Variants in KIF6 observed in about 807,000 individuals in gnomAD.
The protein encoded by KIF6 is kinesin family member 6.
In KIF6, 106 loss-of-function variants were observed where a neutral mutation model predicts 112.7. The observed-to-expected ratio is 0.94, with a 90% CI of 0.80 to 1.11. The LOEUF is 1.11. Among genes scored for constraint, KIF6 ranks in the 50% least tolerant of loss-of-function variants. The pLI is 0.00. For missense variants in KIF6, 929 were observed against 964.0 expected (o/e 0.96, Z 0.48); for synonymous variants, 339 against 339.9 (o/e 1.00, Z 0.03).
At chr6:39,379,103 A>T (rs1415707287) in intron 16 of KIF6, among the ~76,000 whole-genome samples, 1 of 152,208 alleles carries the variant, frequency 6.6e-6, no homozygotes, top group Non-Finnish European at 1.5e-5. Context: ...GCTTGTATTT[A>T]GTTCCAGGAA....
intron 6 of KIF6, among the ~76,000 whole-genome samples, chr6:39,611,468 C>T (rs1213305822): frequency 2.0e-5 from 3 of 152,098 alleles, no homozygotes; most frequent in Admixed American, 1.3e-4. Flanking sequence ...GAGCAAATGG[C>T]CAAGCTTTTA....
intron 15 of KIF6, among the ~76,000 whole-genome samples, chr6:39,399,230 T>C (rs1266024513): frequency 6.6e-6 from 1 of 152,212 alleles, no homozygotes; most frequent in Non-Finnish European, 1.5e-5. Flanking sequence ...ATACAGATGA[T>C]GTGGATGTGT....
intron 3 of KIF6, among the ~76,000 whole-genome samples, chr6:39,689,697 T>G (rs1404663785): frequency 6.6e-6 from 1 of 152,054 alleles, no homozygotes; most frequent in African/African-American, 2.4e-5. Context: ...CTTGACCTCC[T>G]GGACTCAAGG....
At chr6:39,647,770 G>A (rs993730430) in intron 3 of KIF6, among the ~76,000 whole-genome samples, 17 of 150,054 alleles carry the variant, frequency 1.1e-4, no homozygotes, top group East Asian at 5.9e-4. Context: ...GCAATGGTGC[G>A]ATCTCAGCTC....
rs546322111 is a variant in KIF6 at position 39,391,947 on chromosome 6, GTA to G, written c.1811-6277_1811-6276del. On this transcript the variant is annotated intron_variant, in intron 15 of 22. Transcript: ENST00000287152. ...TGCATGTATGTATATATGAATGCAT[GTA>G]TATATATATATGTGTGTGTGTGTGT... Among the ~76,000 whole-genome samples the G allele has an allele frequency of 2.9e-3, 436 of 151,262 alleles. 3 individuals carry two copies. The highest frequency in any genetic ancestry group is 4.2e-3 in the African/African-American group (172 of 41,364).
chr6:39,615,966 G>A (rs570591772), intron 5 of KIF6, among the ~76,000 whole-genome samples: 1 of 152,160 alleles, frequency 6.6e-6, no homozygotes, highest in African/African-American at 2.4e-5. Flanking sequence ...CATCCATAGG[G>A]TTTATATAAT....
intron 6 of KIF6, among the ~76,000 whole-genome samples, chr6:39,599,349 T>C (rs565280305): frequency 2.0e-5 from 3 of 152,236 alleles, no homozygotes; most frequent in Non-Finnish European, 4.4e-5. Context: ...AGTAACACAT[T>C]TGAATGGCAA....
chr6:39,471,920 T>C (rs2150441108), intron 13 of KIF6, among the ~76,000 whole-genome samples: 1 of 152,338 alleles, frequency 6.6e-6, no homozygotes, highest in East Asian at 1.9e-4. Flanking sequence ...AAGCCATTGA[T>C]GTTGCTGATT....
At chr6:39,588,898 G>C (rs1025136381) in intron 7 of KIF6, among the ~76,000 whole-genome samples, 4 of 152,128 alleles carry the variant, frequency 2.6e-5, no homozygotes, top group African/African-American at 9.7e-5. Context: ...CACACGCCTT[G>C]GATTAGTCTC....
chr6:39,543,391 G>A (rs1778902175), intron 12 of KIF6, among the ~76,000 whole-genome samples: 1 of 152,006 alleles, frequency 6.6e-6, no homozygotes, highest in Non-Finnish European at 1.5e-5. Context: ...TGTGGGTGGG[G>A]GGGGATTCTC....
chr6:39,436,073 G>A (rs1180658282), intron 13 of KIF6, among the ~76,000 whole-genome samples: 1 of 152,114 alleles, frequency 6.6e-6, no homozygotes, highest in African/African-American at 2.4e-5. Context: ...GGGTAAGATG[G>A]TATTTCATCG....
chr6:39,366,730 T>G (rs993632106), intron 16 of KIF6, among the ~76,000 whole-genome samples: 2 of 151,820 alleles, frequency 1.3e-5, no homozygotes, highest in Non-Finnish European at 2.9e-5. Flanking sequence ...CCAGGAGCGG[T>G]TGGGAAGGGA....
At chr6:39,684,428 C>G (rs911444361) in intron 3 of KIF6, among the ~76,000 whole-genome samples, 1 of 151,886 alleles carries the variant, frequency 6.6e-6, no homozygotes, top group Non-Finnish European at 1.5e-5. Flanking sequence ...CCAGCCTGAC[C>G]AACATGGAGA....
chr6:39,336,472 T>C lies in KIF6; in HGVS notation c.*60A>G. ...TGAAGCCAGAGCAAGTGAGGGGCGC[T>C]GCCTTCATCTGTGCTTCATTCTTGC... On this transcript the variant is annotated 3_prime_UTR_variant, in exon 23 of 23. Coordinates refer to ENST00000287152, the MANE Select transcript of KIF6 (RefSeq NM_145027.6). 6.5e-7 allele frequency: 1 copy of C among 1,542,030 alleles called. No individual in the cohort carries two copies. The highest frequency in any genetic ancestry group is 9.0e-7 in the Non-Finnish European group (1 of 1,114,276).
chr6:39,503,427 G>C (rs933777648), intron 13 of KIF6, among the ~76,000 whole-genome samples: 1 of 151,152 alleles, frequency 6.6e-6, no homozygotes, highest in African/African-American at 2.4e-5. Flanking sequence ...TCACAACTAA[G>C]AGCAAACAAA....
intron 3 of KIF6, among the ~76,000 whole-genome samples, chr6:39,655,672 A>G (rs1222761283): frequency 1.3e-5 from 2 of 152,180 alleles, no homozygotes. Context: ...TAAATGATCC[A>G]TTATTCCCTG....
intron 13 of KIF6, among the ~76,000 whole-genome samples, chr6:39,484,927 T>C (rs1581955421): frequency 6.6e-6 from 1 of 152,174 alleles, no homozygotes; most frequent in East Asian, 1.9e-4. Flanking sequence ...TAGGCACCTT[T>C]CTCTGCCCTC....
intron 3 of KIF6, among the ~76,000 whole-genome samples, chr6:39,658,535 A>AT (rs1299528599): frequency 6.6e-6 from 1 of 152,156 alleles, no homozygotes; most frequent in African/African-American, 2.4e-5. Context: ...TTATTATTTT[A>AT]TTTTCCCTCC....
At chr6:39,528,313 C>CTACT (rs1562289737) in intron 13 of KIF6, among the ~76,000 whole-genome samples, 4 of 152,168 alleles carry the variant, frequency 2.6e-5, no homozygotes, top group African/African-American at 7.2e-5. Context: ...AAAGGTTGAA[C>CTACT]AGTATCGCAT....
Sources: allele counts gnomAD v4.1 joint callset (sites outside exome capture counted in the v4.1 genomes callset), GRCh38; gene constraint gnomAD v4.1.1; transcripts MANE v1.5; gene names NCBI Gene and HGNC (gene_info 2026-07-23, HGNC 2026-07-21).